Variants in DNAH9 observed in about 807,000 individuals in gnomAD.
DNAH9 encodes DNAH9 variant protein.
Under a neutral mutation model 471.6 loss-of-function variants are expected in DNAH9, and 345 were observed. The observed-to-expected ratio is 0.73, with a 90% CI of 0.67 to 0.80. DNAH9 has a LOEUF of 0.80. Among genes scored for constraint, DNAH9 ranks in the 30% least tolerant of loss-of-function variants. DNAH9 has a pLI of 0.00. For synonymous variants in DNAH9, 2,093 were observed against 2,123.6 expected (o/e 0.99, Z 0.40); for missense variants, 5,407 against 5,609.2 (o/e 0.96, Z 1.15).
rs532102659 is a variant in DNAH9, at chr17:11,824,898, T to TCTCCTCTTCCTC, written c.9246+1871_9246+1882dup. 5.6e-3 allele frequency among the ~76,000 whole-genome samples: 829 copies of TCTCCTCTTCCTC among 149,278 alleles called. 5 individuals carry two copies. The highest frequency in any genetic ancestry group is 8.9e-3 in the Non-Finnish European group (600 of 67,778). ...TTCTCCTTCTCCTTCTCCTCCTCCT[T>TCTCCTCTTCCTC]CTCCTCTTCCTCCTCCTCCTCCTCC... On this transcript the variant is annotated intron_variant, in intron 48 of 68. Coordinates refer to ENST00000262442, the MANE Select transcript of DNAH9 (RefSeq NM_001372.4).
chr17:11,774,238 T>C (rs1377329246), intron 38 of DNAH9, among the ~76,000 whole-genome samples: 4 of 151,804 alleles, frequency 2.6e-5, no homozygotes, highest in Non-Finnish European at 5.9e-5. Context: ...CTAAACTCAA[T>C]GTGTATCATT....
At chr17:11,770,746 A>G (rs1968174593) in intron 38 of DNAH9, among the ~76,000 whole-genome samples, 1 of 152,220 alleles carries the variant, frequency 6.6e-6, no homozygotes, top group Non-Finnish European at 1.5e-5. Flanking sequence ...TCGTTCTTCC[A>G]TTTTTTGTGC....
intron 59 of DNAH9, among the ~76,000 whole-genome samples, chr17:11,902,436 T>TC (rs1973444306): frequency 6.6e-6 from 1 of 152,144 alleles, no homozygotes; most frequent in African/African-American, 2.4e-5. Flanking sequence ...GCCCCTCTTT[T>TC]CCATGTACAC....
intron 26 of DNAH9, chr17:11,705,488 A>G (rs2074683672): frequency 3.9e-6 from 1 of 255,718 alleles, no homozygotes; most frequent in Admixed American, 4.9e-5. Flanking sequence ...AAAAACATTG[A>G]CCTAAGTTTT....
intron 45 of DNAH9, among the ~76,000 whole-genome samples, chr17:11,819,571 C>T (rs1022141025): frequency 2.6e-5 from 4 of 152,128 alleles, no homozygotes; most frequent in Non-Finnish European, 5.9e-5. Context: ...GTGCACACCA[C>T]CATGCCCAGC....
chr17:11,852,814 GTATATATATA>G (rs58555259), intron 49 of DNAH9, among the ~76,000 whole-genome samples: 1,145 of 92,690 alleles, frequency 0.012, 71 homozygotes, highest in East Asian at 0.08. Flanking sequence ...GTGTGTGTGT[GTATATATATA>G]TATATATATA....
At chr17:11,855,402 CAA>C (rs924404750) in intron 50 of DNAH9, among the ~76,000 whole-genome samples, 1 of 152,092 alleles carries the variant, frequency 6.6e-6, no homozygotes, top group African/African-American at 2.4e-5. Flanking sequence ...ACTTCCTTTC[CAA>C]AGAGTGTATT....
chr17:11,693,332 C>A (rs1487803984), intron 20 of DNAH9, among the ~76,000 whole-genome samples: 1 of 147,066 alleles, frequency 6.8e-6, no homozygotes, highest in Admixed American at 7.1e-5. Context: ...GCAACCGCAC[C>A]CTCCACCCTC....
chr17:11,606,862 G>A (rs994672382), intron 1 of DNAH9, among the ~76,000 whole-genome samples: 4 of 152,184 alleles, frequency 2.6e-5, no homozygotes, highest in South Asian at 2.1e-4. Context: ...ATTCTAAGGC[G>A]CTATTGGTTG....
At chr17:11,829,538 C>T (rs7219921) in intron 48 of DNAH9, among the ~76,000 whole-genome samples, 110,018 of 152,108 alleles carry the variant, frequency 0.72, 40,047 homozygotes, top group Non-Finnish European at 0.75. Context: ...GTGGCCTGAT[C>T]TTGGCTCACT....
intron 21 of DNAH9, 152 bp from the exon 22 acceptor site, chr17:11,694,169 C>A: frequency 1.7e-6 from 2 of 1,180,318 alleles, no homozygotes; most frequent in Non-Finnish European, 2.4e-6. Flanking sequence ...CCAAGGTAGA[C>A]ACATCCATGT....
At chr17:11,837,197 A>C (rs1226034242) in intron 49 of DNAH9, among the ~76,000 whole-genome samples, 3 of 152,226 alleles carry the variant, frequency 2.0e-5, no homozygotes, top group Admixed American at 1.3e-4. Flanking sequence ...GATTGAAATA[A>C]ATAATAGGTA....
intron 32 of DNAH9, among the ~76,000 whole-genome samples, chr17:11,748,148 C>CAAAAAAAAAA (rs71142241): frequency 1.5e-5 from 1 of 64,666 alleles, no homozygotes; most frequent in African/African-American, 6.3e-5. Context: ...ACTAAAAATA[C>CAAAAAAAAAA]AAAAAAAAAA....
chr17:11,831,402 A>C (rs931720205), intron 48 of DNAH9, among the ~76,000 whole-genome samples: 12 of 152,050 alleles, frequency 7.9e-5, no homozygotes, highest in African/African-American at 2.9e-4. Context: ...GGAACTAATA[A>C]AGTGAGAACT....
At chr17:11,934,197 G>A in intron 65 of DNAH9, 126 bp downstream of exon 65, 2 of 1,045,730 alleles carry the variant, frequency 1.9e-6, no homozygotes, top group Admixed American at 5.1e-5. Flanking sequence ...GCAGGCAGGG[G>A]CTGAGGCAAA....
At chr17:11,924,351 G>A (rs1005475509) in intron 62 of DNAH9, among the ~76,000 whole-genome samples, 2 of 151,950 alleles carry the variant, frequency 1.3e-5, no homozygotes, top group Admixed American at 6.6e-5. Context: ...TATGCTCTTC[G>A]TCACGGGCAT....
chr17:11,958,308 C>G (rs1975772765), intron 67 of DNAH9, among the ~76,000 whole-genome samples: 1 of 152,038 alleles, frequency 6.6e-6, no homozygotes. Flanking sequence ...GACACTGAAA[C>G]AATAATGATG....
At chr17:11,948,520 G>A (rs146155516) in intron 67 of DNAH9, among the ~76,000 whole-genome samples, 3,665 of 152,078 alleles carry the variant, frequency 0.024, 71 homozygotes, top group Middle Eastern at 0.037. Flanking sequence ...GTGAGCCACC[G>A]CACCCGGCCT....
At chr17:11,860,645 T>A (rs1367468668) in intron 50 of DNAH9, among the ~76,000 whole-genome samples, 1 of 152,064 alleles carries the variant, frequency 6.6e-6, no homozygotes, top group Non-Finnish European at 1.5e-5. Context: ...CACTGCAACC[T>A]CTGCCTCCCG....
Sources: gnomAD v4.1 joint callset for allele counts (sites outside exome capture counted in the v4.1 genomes callset) on GRCh38, gnomAD v4.1.1 for gene constraint, MANE v1.5 for transcripts, NCBI Gene and HGNC (gene_info 2026-07-23, HGNC 2026-07-21) for gene names.